Variants in TECPR2 observed in about 807,000 individuals in gnomAD.
TECPR2 encodes tectonin beta-propeller repeat containing 2.
A neutral mutation model predicts 138.1 loss-of-function variants in TECPR2; 65 were observed. The observed-to-expected ratio is 0.47, with a 90% CI of 0.39 to 0.58. The LOEUF is 0.58. Ranked by LOEUF, TECPR2 falls within the 20% of genes least tolerant of loss-of-function variation. The probability of loss-of-function intolerance (pLI) is 0.00; values close to 1 mark genes in which losing one functional copy is unlikely to be tolerated. For synonymous variants in TECPR2, 746 were observed against 749.8 expected, an observed-to-expected ratio of 0.99 and a Z score of 0.08; for missense variants, 1,553 against 1,824.5, an observed-to-expected ratio of 0.85 and a Z score of 2.71.
intron 4 of TECPR2, among the ~76,000 whole-genome samples, chr14:102,413,933 G>C (rs80156456): frequency 0.027 from 4,140 of 151,868 alleles, 74 homozygotes; most frequent in Middle Eastern, 0.09. Flanking sequence ...AAGTAGCGGG[G>C]ACCATAGGCA....
At position 102,498,266 on chromosome 14, in the gene TECPR2, T is replaced by G. The variant is rs1269228186; in HGVS notation, c.*9T>G. On this transcript the variant is annotated 3_prime_UTR_variant, in exon 20 of 20. Transcript: ENST00000359520. ...AGTGGGAGGTCATCTGAAGGAGCCC[T>G]GGCCGAGTCACGCGGAGGGGCCCGG... The G allele has an allele frequency of 6.3e-7, 1 of 1,597,914 alleles. No homozygotes were observed. The highest frequency in any genetic ancestry group is 2.2e-5 in the East Asian group (1 of 44,814).
intron 18 of TECPR2, 77 bp downstream of exon 18, chr14:102,497,197 C>T (rs573160894): frequency 6.5e-7 from 1 of 1,534,778 alleles, no homozygotes; most frequent in Non-Finnish European, 8.7e-7. Context: ...GCGCTCCCTC[C>T]AGGCCGCTGT....
intron 16 of TECPR2, among the ~76,000 whole-genome samples, chr14:102,453,726 C>T (rs376961565): frequency 1.1e-3 from 171 of 151,318 alleles, no homozygotes; most frequent in African/African-American, 3.9e-3. Flanking sequence ...GCAAGGCTTC[C>T]CAGTTTTTTT....
Position 102,449,624 on chromosome 14 carries a change from TC to T in TECPR2, c.3076-3del, listed in dbSNP as rs769562101. The T allele has an allele frequency of 6.2e-7, 1 of 1,613,700 alleles. No homozygotes were observed. Among genetic ancestry groups the T allele is most frequent in the Non-Finnish European group, 8.5e-7 (1 of 1,179,836 alleles). On this transcript the variant is annotated splice_region_variant and splice_polypyrimidine_tract_variant and intron_variant, in intron 13 of 19. Transcript: ENST00000359520. ...GCAGGGCTTTTGCTTGTCTCCTCCT[TC>T]CAGGTGAGCATCACGGACTATGTGG...
At chr14:102,446,811 A>T (rs1329243737) in intron 13 of TECPR2, among the ~76,000 whole-genome samples, 4 of 152,102 alleles carry the variant, frequency 2.6e-5, no homozygotes, top group Admixed American at 2.0e-4. Context: ...TAATGCACTT[A>T]ATTTATTTAT....
intron 17 of TECPR2, among the ~76,000 whole-genome samples, chr14:102,482,801 G>T (rs534826730): frequency 6.6e-6 from 1 of 151,298 alleles, no homozygotes; most frequent in African/African-American, 2.4e-5. Context: ...ATTGTCTCTC[G>T]GCTTCCAGGA....
intron 2 of TECPR2, among the ~76,000 whole-genome samples, chr14:102,378,198 G>A (rs1280889854): frequency 1.3e-5 from 2 of 152,120 alleles, no homozygotes; most frequent in African/African-American, 2.4e-5. Context: ...GGCTTTTATG[G>A]ACCAAGATAC....
chr14:102,487,528 T>A (rs1310797451), intron 17 of TECPR2, among the ~76,000 whole-genome samples: 1 of 152,118 alleles, frequency 6.6e-6, no homozygotes, highest in Non-Finnish European at 1.5e-5. Flanking sequence ...CAGACACTTG[T>A]GTTTTCTTTT....
At chr14:102,426,397 T>C (rs1046133602) in intron 6 of TECPR2, among the ~76,000 whole-genome samples, 14 of 152,100 alleles carry the variant, frequency 9.2e-5, no homozygotes, top group Non-Finnish European at 2.9e-5. Flanking sequence ...AGAGCAGAGC[T>C]TTTGCTCTTT....
intron 16 of TECPR2, among the ~76,000 whole-genome samples, chr14:102,452,983 A>G (rs1287366504): frequency 6.6e-6 from 1 of 152,224 alleles, no homozygotes; most frequent in Non-Finnish European, 1.5e-5. Context: ...GAAAAGCTGA[A>G]AAGATGGGTG....
chr14:102,476,874 G>T (rs1182528214), intron 17 of TECPR2, among the ~76,000 whole-genome samples: 1 of 151,896 alleles, frequency 6.6e-6, no homozygotes, highest in Non-Finnish European at 1.5e-5. Flanking sequence ...AAGCAACATG[G>T]CAAAACCCCG....
In TECPR2 at chr14:102,434,790, C is replaced by G; in HGVS notation, c.1973C>G (p.Pro658Arg). 2 of 1,613,464 alleles carry G rather than the reference C, an allele frequency of 1.2e-6. No homozygotes were observed. Among genetic ancestry groups the G allele is most frequent in the Admixed American group, 3.3e-5 (2 of 60,024 alleles). ...LTVPSSLSWAPSAEQWLPGTR... is the reference protein window; with the variant it reads ...LTVPSSLSWARSAEQWLPGTR... ...GTGCCTTCCAGCCTCAGCTGGGCCC[C>G]AAGTGCTGAACAGTGGCTGCCTGGG... The change falls in exon 9 of 20, where the codon CCA (proline) becomes CGA (arginine). Residue 658 changes from proline to arginine, a missense_variant. Coordinates refer to ENST00000359520, the MANE Select transcript of TECPR2 (RefSeq NM_014844.5).
At chr14:102,372,659 C>T (rs1403937364) in intron 1 of TECPR2, among the ~76,000 whole-genome samples, 1 of 152,126 alleles carries the variant, frequency 6.6e-6, no homozygotes, top group Non-Finnish European at 1.5e-5. Context: ...GTAGCTCAAG[C>T]CTGTAATCCT....
chr14:102,441,547 G>A (rs1045995347), intron 11 of TECPR2, among the ~76,000 whole-genome samples: 1 of 151,822 alleles, frequency 6.6e-6, no homozygotes. Context: ...AAAATTAGCT[G>A]GGCGTGGTGG....
rs1215986312 is a variant in TECPR2 at position 102,419,773 on chromosome 14, G to T, written c.638+4980G>T. Among the ~76,000 whole-genome samples the T allele has an allele frequency of 6.6e-6, 1 of 152,160 alleles. No homozygotes were observed. Among genetic ancestry groups the T allele is most frequent in the East Asian group, 1.9e-4 (1 of 5,198 alleles). ...GTTTGCTGTCCTGTGTATTTATGTT[G>T]CATTGTTTCATGTGTCAGAGCCCTC... On this transcript the variant is annotated intron_variant, in intron 5 of 19. Coordinates refer to ENST00000359520, the MANE Select transcript of TECPR2 (RefSeq NM_014844.5). This position sits in a 1 kb window ranked among gnomAD's most constrained non-coding sequence, Gnocchi z 4.8.
intron 17 of TECPR2, among the ~76,000 whole-genome samples, chr14:102,478,342 T>C (rs912314662): frequency 1.3e-5 from 2 of 152,066 alleles, no homozygotes; most frequent in African/African-American, 4.8e-5. Flanking sequence ...AGCCACCATG[T>C]CTGGCCTCTG....
At chr14:102,480,879 C>G (rs1421732753) in intron 17 of TECPR2, among the ~76,000 whole-genome samples, 1 of 104,442 alleles carries the variant, frequency 9.6e-6, no homozygotes, top group African/African-American at 3.8e-5. Flanking sequence ...TGGAGTCTTG[C>G]TCTGTCGCCC....
At chr14:102,456,715 G>A (rs553955809) in intron 16 of TECPR2, among the ~76,000 whole-genome samples, 5 of 150,976 alleles carry the variant, frequency 3.3e-5, no homozygotes, top group African/African-American at 1.2e-4. Flanking sequence ...TCAGCCTCCC[G>A]AGTAGCTGGG....
At chr14:102,391,223 A>G (rs1293935547) in intron 2 of TECPR2, among the ~76,000 whole-genome samples, 3 of 151,844 alleles carry the variant, frequency 2.0e-5, no homozygotes, top group Non-Finnish European at 4.4e-5. Flanking sequence ...ACGCCCAACC[A>G]ATTTTTTGTA....
Sources: allele counts gnomAD v4.1 joint callset (sites outside exome capture counted in the v4.1 genomes callset), GRCh38; gene constraint gnomAD v4.1.1; non-coding constraint Gnocchi (gnomAD v3.1); transcripts MANE v1.5; gene names NCBI Gene and HGNC (gene_info 2026-07-23, HGNC 2026-07-21).